Variants in TENM2 observed in about 807,000 individuals in gnomAD.
TENM2 encodes the protein teneurin transmembrane protein 2.
A neutral mutation model predicts 245.2 loss-of-function variants in TENM2; 52 were observed. The observed-to-expected ratio is 0.21, with a 90% CI of 0.17 to 0.27. The LOEUF (loss-of-function observed/expected upper bound fraction) is 0.27, where lower values mean the gene tolerates loss of function less well. Ranked by LOEUF, TENM2 falls within the 10% of genes least tolerant of loss-of-function variation. TENM2 has a pLI of 1.00. For missense variants in TENM2, 3,046 were observed against 3,666.8 expected, an observed-to-expected ratio of 0.83 and a Z score of 4.37; for synonymous variants, 1,363 against 1,438.9, an observed-to-expected ratio of 0.95 and a Z score of 1.19.
At chr5:166,979,647 C>G in the TENM2 span, among the ~76,000 whole-genome samples, 1 of 152,150 alleles carries the variant, frequency 6.6e-6, no homozygotes, top group Admixed American at 6.5e-5. Flanking sequence ...AGTTCTCTTT[C>G]TCTCCTTGCG....
intron 2 of TENM2, among the ~76,000 whole-genome samples, chr5:167,594,796 C>G (rs1175272702): frequency 2.6e-5 from 4 of 152,034 alleles, no homozygotes; most frequent in African/African-American, 9.7e-5. Flanking sequence ...ATATGTTATC[C>G]CAGATGACTA....
intron 1 of TENM2, among the ~76,000 whole-genome samples, chr5:167,286,522 T>C: frequency 6.6e-6 from 1 of 152,200 alleles, no homozygotes; most frequent in Admixed American, 6.5e-5. Flanking sequence ...ATTTCCAATA[T>C]AATAAAATTG....
chr5:167,559,748 G>T (rs1773470262), intron 2 of TENM2, among the ~76,000 whole-genome samples: 1 of 152,140 alleles, frequency 6.6e-6, no homozygotes, highest in African/African-American at 2.4e-5. Flanking sequence ...TGGAGAGAAA[G>T]AAGTCTTCTC....
At chr5:167,763,954 C>T (rs1762839170) in intron 2 of TENM2, among the ~76,000 whole-genome samples, 1 of 151,938 alleles carries the variant, frequency 6.6e-6, no homozygotes. Context: ...ATTACTAATC[C>T]CATCTTTCTT....
chr5:168,098,825 G>A (rs1291997377), intron 9 of TENM2, among the ~76,000 whole-genome samples: 2 of 151,902 alleles, frequency 1.3e-5, no homozygotes, highest in African/African-American at 4.8e-5. Flanking sequence ...AGACACACAA[G>A]GGTATATGTC....
chr5:167,360,551 G>C (rs1759650077), intron 1 of TENM2, among the ~76,000 whole-genome samples: 1 of 152,026 alleles, frequency 6.6e-6, no homozygotes, highest in South Asian at 2.1e-4. Context: ...CTCCATTTAT[G>C]GTGTGAGATA....
At chr5:167,326,531 G>T (rs1015890246) in intron 1 of TENM2, among the ~76,000 whole-genome samples, 2 of 151,746 alleles carry the variant, frequency 1.3e-5, no homozygotes, top group African/African-American at 4.8e-5. Flanking sequence ...AAATTAGCCA[G>T]ACGTGGTGGT....
the TENM2 span, among the ~76,000 whole-genome samples, chr5:167,249,686 G>A: frequency 6.6e-6 from 1 of 152,142 alleles, no homozygotes. Flanking sequence ...ATCCTATGAA[G>A]TAAGAGTGTG....
intron 2 of TENM2, among the ~76,000 whole-genome samples, chr5:167,661,278 A>T (rs936882283): frequency 6.6e-6 from 1 of 152,188 alleles, no homozygotes; most frequent in African/African-American, 2.4e-5. Flanking sequence ...ATGTTTTGAA[A>T]ATCAGATCAT....
At chr5:167,480,057 T>C (rs529498223) in intron 2 of TENM2, among the ~76,000 whole-genome samples, 33 of 152,334 alleles carry the variant, frequency 2.2e-4, no homozygotes, top group Non-Finnish European at 4.6e-4. Flanking sequence ...CTGAACTGTT[T>C]ACAGTTTTAA....
At chr5:167,343,700 T>A (rs1232306397) in intron 1 of TENM2, among the ~76,000 whole-genome samples, 2 of 152,188 alleles carry the variant, frequency 1.3e-5, no homozygotes, top group African/African-American at 4.8e-5. Context: ...TTTAAAAAAA[T>A]GAATTAACAC....
intron 2 of TENM2, among the ~76,000 whole-genome samples, chr5:167,486,044 G>A (rs567593781): frequency 6.6e-6 from 1 of 151,960 alleles, no homozygotes; most frequent in African/African-American, 2.4e-5. Flanking sequence ...AGTCTTTTCT[G>A]TAAGGTATTC....
At chr5:167,604,857 G>T (rs172137) in intron 2 of TENM2, among the ~76,000 whole-genome samples, 2 of 152,004 alleles carry the variant, frequency 1.3e-5, no homozygotes, top group East Asian at 3.9e-4. Flanking sequence ...ACCATGAATG[G>T]AGTCTGTCAA....
chr5:168,175,999 T>C (rs1759324959), intron 13 of TENM2, among the ~76,000 whole-genome samples: 1 of 152,232 alleles, frequency 6.6e-6, no homozygotes, highest in African/African-American at 2.4e-5. Context: ...ACATGCCCTC[T>C]TTGTCTATGC....
chr5:167,871,950 G>GA (rs979275182), intron 2 of TENM2, among the ~76,000 whole-genome samples: 1 of 152,052 alleles, frequency 6.6e-6, no homozygotes, highest in Non-Finnish European at 1.5e-5. Context: ...AGTCAGGGGG[G>GA]AAAATGTAGC....
chr5:167,305,503 C>T (rs1755619900), intron 1 of TENM2, among the ~76,000 whole-genome samples: 1 of 152,192 alleles, frequency 6.6e-6, no homozygotes, highest in African/African-American at 2.4e-5. Context: ...TCAGGAAACT[C>T]AGACAGCTTG....
chr5:168,263,191 A>C, downstream of TENM2: 1 of 175,140 alleles, frequency 5.7e-6, no homozygotes, highest in African/African-American at 2.4e-5. Flanking sequence ...ACAAAAACAA[A>C]ACAAAACAAA....
intron 2 of TENM2, among the ~76,000 whole-genome samples, chr5:167,798,984 A>G (rs1278185213): frequency 6.6e-6 from 1 of 152,186 alleles, no homozygotes; most frequent in Non-Finnish European, 1.5e-5. Context: ...ACACCTAATC[A>G]GGAGGCTTTG....
chr5:167,177,804 T>A, the TENM2 span, among the ~76,000 whole-genome samples: 1 of 152,210 alleles, frequency 6.6e-6, no homozygotes, highest in Non-Finnish European at 1.5e-5. Flanking sequence ...GTATTACTTG[T>A]CATTAACTTT....
Sources: gnomAD v4.1 joint callset for allele counts (sites outside exome capture counted in the v4.1 genomes callset) on GRCh38, gnomAD v4.1.1 for gene constraint, MANE v1.5 for transcripts, NCBI Gene and HGNC (gene_info 2026-07-23, HGNC 2026-07-21) for gene names.